NDUFAF6: variants seen among roughly 807,000 people sequenced by gnomAD.
NDUFAF6 encodes NADH:ubiquinone oxidoreductase complex assembly factor 6, also known as NADH dehydrogenase (ubiquinone) complex I, assembly factor 6.
NDUFAF6 carries 45 observed loss-of-function variants against 40.8 expected under a neutral mutation model. That is an observed-to-expected ratio of 1.10 (90% CI 0.87 to 1.42). The LOEUF is 1.42. Among genes scored for constraint, NDUFAF6 ranks in the 40% most tolerant of loss-of-function variants. The pLI is 0.00. For missense variants in NDUFAF6, 435 were observed against 418.5 expected (o/e 1.04, Z -0.34); for synonymous variants, 185 against 155.9 (o/e 1.19, Z -1.39).
At chr8:94,904,153 GT>G (rs940661398) in intron 1 of NDUFAF6, among the ~76,000 whole-genome samples, 2 of 150,604 alleles carry the variant, frequency 1.3e-5, no homozygotes, top group African/African-American at 4.9e-5. Flanking sequence ...TTGTTTTTTG[GT>G]TTTTTTTGAG....
intron 1 of NDUFAF6, among the ~76,000 whole-genome samples, chr8:95,027,676 T>C (rs1188979383): frequency 6.6e-6 from 1 of 151,894 alleles, no homozygotes; most frequent in African/African-American, 2.4e-5. Flanking sequence ...TGTGATGATA[T>C]AGTAAAAAAT....
intron 4 of NDUFAF6, among the ~76,000 whole-genome samples, chr8:95,109,565 G>C (rs1809934558): frequency 7.1e-6 from 1 of 140,270 alleles, no homozygotes; most frequent in African/African-American, 2.7e-5. Context: ...CATAGATAGA[G>C]ATGTAGCGTT....
intron 1 of NDUFAF6, among the ~76,000 whole-genome samples, chr8:94,939,103 G>T (rs1165243764): frequency 2.0e-5 from 3 of 152,200 alleles, no homozygotes; most frequent in Admixed American, 2.0e-4. Flanking sequence ...ACTGTGCAGT[G>T]TGAGTATTGC....
At chr8:94,951,955 C>T (rs1248183395) in intron 2 of NDUFAF6, among the ~76,000 whole-genome samples, 1 of 152,224 alleles carries the variant, frequency 6.6e-6, no homozygotes, top group African/African-American at 2.4e-5. Flanking sequence ...AAAGACCCAG[C>T]CAGGTTCCCT....
intron 1 of NDUFAF6, among the ~76,000 whole-genome samples, chr8:95,031,078 C>G (rs1175171452): frequency 1.3e-5 from 2 of 152,194 alleles, no homozygotes; most frequent in Non-Finnish European, 2.9e-5. Flanking sequence ...CCCACTAGGC[C>G]CCACCTCCAA....
At chr8:94,936,755 G>A (rs1049228449) in intron 1 of NDUFAF6, among the ~76,000 whole-genome samples, 17 of 152,178 alleles carry the variant, frequency 1.1e-4, no homozygotes, top group Non-Finnish European at 2.5e-4. Context: ...GGTTTGGAAG[G>A]TGACTGGGAC....
intron 1 of NDUFAF6, among the ~76,000 whole-genome samples, chr8:94,901,749 G>GT (rs1186842978): frequency 3.3e-5 from 5 of 151,946 alleles, no homozygotes; most frequent in Non-Finnish European, 7.4e-5. Flanking sequence ...TCCTGGCTAA[G>GT]TTTTTTTGTA....
intron 2 of NDUFAF6, among the ~76,000 whole-genome samples, chr8:95,015,003 T>C (rs1291697062): frequency 6.6e-6 from 1 of 152,220 alleles, no homozygotes; most frequent in Admixed American, 6.5e-5. Flanking sequence ...ACACCTGCAG[T>C]AATCAATGAT....
chr8:94,990,050 C>A (rs2131614869), intron 2 of NDUFAF6, among the ~76,000 whole-genome samples: 1 of 152,250 alleles, frequency 6.6e-6, no homozygotes, highest in African/African-American at 2.4e-5. Context: ...ATGTAAAAAA[C>A]TTCATCAGTA....
downstream of NDUFAF6, among the ~76,000 whole-genome samples, chr8:95,060,617 A>G (rs1457334156): frequency 1.3e-5 from 2 of 152,162 alleles, no homozygotes; most frequent in Non-Finnish European, 2.9e-5. Context: ...GTAGGCCTTT[A>G]TTTTCCAAAT....
At position 94,999,492 on chromosome 8, in the gene NDUFAF6, C is replaced by T. The variant is rs3110161; in HGVS notation, c.-84+18519C>T. On this transcript the variant is annotated intron_variant, in intron 2 of 9. Transcript: ENST00000396111. Reference sequence around the variant, plus strand: ...GGTGCAGTGGTGCAATCTTGGCTCACTGCAACCTCCACCTCCTGGGTTCAA... The same window carrying T: ...GGTGCAGTGGTGCAATCTTGGCTCATTGCAACCTCCACCTCCTGGGTTCAA... 6.7e-3 allele frequency among the ~76,000 whole-genome samples: 1,024 copies of T among 152,050 alleles called. 10 individuals carry two copies. The highest frequency in any genetic ancestry group is 0.023 in the African/African-American group (953 of 41,466).
At chr8:94,999,402 G>A (rs59380531) in intron 2 of NDUFAF6, among the ~76,000 whole-genome samples, 5,008 of 152,028 alleles carry the variant, frequency 0.033, 242 homozygotes, top group African/African-American at 0.11. Context: ...GATTACAGGC[G>A]TGAGCTGCCA....
At chr8:94,943,488 A>G (rs1821735349) in intron 1 of NDUFAF6, among the ~76,000 whole-genome samples, 1 of 152,146 alleles carries the variant, frequency 6.6e-6, no homozygotes, top group African/African-American at 2.4e-5. Context: ...CCTTGTCTCA[A>G]AAAAAAGTTA....
chr8:94,949,731 G>T (rs1442848287), intron 2 of NDUFAF6, among the ~76,000 whole-genome samples: 1 of 152,212 alleles, frequency 6.6e-6, no homozygotes, highest in Non-Finnish European at 1.5e-5. Context: ...GGCAGAGGTG[G>T]ATCTCTCCCT....
At chr8:94,951,117 C>G (rs1456251347) in intron 2 of NDUFAF6, 2 of 152,220 alleles carry the variant, frequency 1.3e-5, no homozygotes, top group Non-Finnish European at 2.9e-5. Context: ...AAGCAAACCC[C>G]ACAGCTTCTG....
chr8:94,961,623 C>T (rs564388713), intron 1 of NDUFAF6, among the ~76,000 whole-genome samples: 1 of 152,238 alleles, frequency 6.6e-6, no homozygotes, highest in African/African-American at 2.4e-5. Flanking sequence ...CAGGGTTTCA[C>T]CATATTGGCC....
chr8:95,035,702 A>G, intron 3 of NDUFAF6, 126 bp downstream of exon 3: 1 of 936,698 alleles, frequency 1.1e-6, no homozygotes, highest in Non-Finnish European at 1.6e-6. Flanking sequence ...AGGCTTATGT[A>G]TTCAGAGCTG....
chr8:94,911,544 T>A (rs1167760793), intron 1 of NDUFAF6, among the ~76,000 whole-genome samples: 1 of 152,230 alleles, frequency 6.6e-6, no homozygotes, highest in Non-Finnish European at 1.5e-5. Flanking sequence ...AAGAGGTGGA[T>A]TAGTGTCTCC....
At chr8:95,117,908 T>G (rs554813325), downstream of NDUFAF6, among the ~76,000 whole-genome samples, 1 of 152,232 alleles carries the variant, frequency 6.6e-6, no homozygotes, top group Non-Finnish European at 1.5e-5. Flanking sequence ...GATTTCCATG[T>G]GTTCAAACTC....
Sources: gnomAD v4.1 joint callset for allele counts (sites outside exome capture counted in the v4.1 genomes callset) on GRCh38, gnomAD v4.1.1 for gene constraint, MANE v1.5 for transcripts, NCBI Gene and HGNC (gene_info 2026-07-23, HGNC 2026-07-21) for gene names.